KLRD1: variants seen among roughly 807,000 people sequenced by gnomAD.
KLRD1 encodes killer cell lectin like receptor D1.
In KLRD1, 21 loss-of-function variants were observed where a neutral mutation model predicts 22.6. The ratio of observed to expected loss-of-function variants is 0.93; its 90% CI spans 0.66 to 1.34. The LOEUF is 1.34. Among genes scored for constraint, KLRD1 ranks in the 40% most tolerant of loss-of-function variants. The pLI is 0.00. For synonymous variants in KLRD1, 59 were observed against 71.1 expected (o/e 0.83, Z 0.85); for missense variants, 183 against 208.6 (o/e 0.88, Z 0.76).
At chr12:10,302,263 T>C (rs1172944573), upstream of KLRD1, among the ~76,000 whole-genome samples, 2 of 152,140 alleles carry the variant, frequency 1.3e-5, no homozygotes, top group Non-Finnish European at 1.5e-5. Flanking sequence ...CAAAATGCAA[T>C]AAAGTAGGTT....
chr12:10,278,618 G>A (rs1949612977), intron 1 of KLRD1, among the ~76,000 whole-genome samples: 1 of 152,106 alleles, frequency 6.6e-6, no homozygotes, highest in Admixed American at 6.5e-5. Context: ...TGCTATATAA[G>A]CTGTGTTTAA....
intron 3 of KLRD1, among the ~76,000 whole-genome samples, chr12:10,310,242 C>T (rs918942973): frequency 6.6e-6 from 1 of 152,146 alleles, no homozygotes; most frequent in Non-Finnish European, 1.5e-5. Context: ...GCCTCAGCCT[C>T]CCAAGTAGCT....
chr12:10,293,192 C>T (rs1438358073), intron 1 of KLRD1, among the ~76,000 whole-genome samples: 2 of 13,314 alleles, frequency 1.5e-4, no homozygotes, highest in Non-Finnish European at 4.5e-4. Flanking sequence ...AATTCGCATG[C>T]TCACTGGCAT....
intron 1 of KLRD1, among the ~76,000 whole-genome samples, chr12:10,264,377 C>T (rs1378006457): frequency 1.3e-5 from 2 of 152,050 alleles, no homozygotes. Context: ...TATTTTATTT[C>T]ATTTAAAAGT....
chr12:10,248,237 T>TA (rs911649199), intron 1 of KLRD1, among the ~76,000 whole-genome samples: 11 of 151,610 alleles, frequency 7.3e-5, no homozygotes, highest in East Asian at 3.9e-4. Flanking sequence ...AATCCTGTTT[T>TA]AAAAAAAAAT....
chr12:10,279,017 G>C (rs1337419037), intron 1 of KLRD1, among the ~76,000 whole-genome samples: 1 of 149,664 alleles, frequency 6.7e-6, no homozygotes, highest in African/African-American at 2.5e-5. Context: ...TTAGGTTTAG[G>C]GGGTACCTGT....
In KLRD1 at chr12:10,318,380, A is replaced by G. The variant is rs1950274452; in HGVS notation, c.*3587A>G. 6.6e-6 allele frequency: 1 copy of G among 152,190 alleles called. No homozygotes were observed. The allele number at this position is 152,190 out of a possible 1,614,324, so 9.4% of individuals were successfully genotyped here. A position where few individuals can be genotyped will look rare whatever the true frequency, so the allele number is the denominator to read the frequency against. On this transcript the variant is annotated 3_prime_UTR_variant, in exon 6 of 6. Coordinates refer to ENST00000336164, the MANE Select transcript of KLRD1 (RefSeq NM_002262.5). ...GTCTCTGCTGTGTGACCAGACACAG[A>G]TAAAAGACTGCAAGAAATTTCAGTT... is the stretch of plus-strand genomic sequence containing the variant.
chr12:10,289,682 G>A (rs1949747189), intron 1 of KLRD1, among the ~76,000 whole-genome samples: 2 of 152,182 alleles, frequency 1.3e-5, no homozygotes, highest in Non-Finnish European at 1.5e-5. Flanking sequence ...ATTTCTTTTA[G>A]TGGGAAGCAG....
intron 1 of KLRD1, among the ~76,000 whole-genome samples, chr12:10,242,111 G>T (rs1259059993): frequency 8.1e-6 from 1 of 122,790 alleles, no homozygotes; most frequent in African/African-American, 3.1e-5. Context: ...TGACTGTCTT[G>T]CAGCTTCTAG....
chr12:10,293,811 G>A (rs1322146193), intron 1 of KLRD1, among the ~76,000 whole-genome samples: 1 of 152,192 alleles, frequency 6.6e-6, no homozygotes, highest in East Asian at 1.9e-4. Context: ...AATGAGGTGT[G>A]TGTGTATTAT....
chr12:10,312,783 C>G (rs188170833), intron 4 of KLRD1, among the ~76,000 whole-genome samples: 39 of 150,952 alleles, frequency 2.6e-4, no homozygotes, highest in Admixed American at 1.2e-3. Flanking sequence ...GTCAGGAGAT[C>G]GAGACCATCC....
At chr12:10,248,135 G>A (rs74062125) in intron 1 of KLRD1, among the ~76,000 whole-genome samples, 5,626 of 152,132 alleles carry the variant, frequency 0.037, 364 homozygotes, top group African/African-American at 0.13. Context: ...TACATTGTTG[G>A]TCCTGCATGT....
upstream of KLRD1, among the ~76,000 whole-genome samples, chr12:10,304,101 AT>A (rs942268424): frequency 6.6e-6 from 1 of 152,182 alleles, no homozygotes; most frequent in African/African-American, 2.4e-5. Flanking sequence ...ATCCTCAGAG[AT>A]TTCACCCAGT....
chr12:10,302,178 G>A (rs117618150), upstream of KLRD1, among the ~76,000 whole-genome samples: 1,764 of 152,156 alleles, frequency 0.012, 18 homozygotes, highest in Middle Eastern at 0.051. Flanking sequence ...CATGCTTTTG[G>A]AAAAAATGGT....
At chr12:10,253,699 A>C (rs1304458148) in intron 1 of KLRD1, among the ~76,000 whole-genome samples, 2 of 152,164 alleles carry the variant, frequency 1.3e-5, no homozygotes, top group African/African-American at 2.4e-5. Flanking sequence ...TAGTTTGCTA[A>C]GGATAGTAGC....
intron 1 of KLRD1, among the ~76,000 whole-genome samples, chr12:10,268,535 G>C (rs1242139251): frequency 6.6e-6 from 1 of 152,098 alleles, no homozygotes; most frequent in Non-Finnish European, 1.5e-5. Flanking sequence ...TTATTGAACT[G>C]TTCTTTTTAT....
chr12:10,271,078 CCG>C (rs1270684098), intron 1 of KLRD1, among the ~76,000 whole-genome samples: 1 of 147,728 alleles, frequency 6.8e-6, no homozygotes, highest in African/African-American at 2.5e-5. Context: ...GCCACCGCAG[CCG>C]CCTCCACTCC....
chr12:10,242,399 A>G (rs1316426970), intron 1 of KLRD1, among the ~76,000 whole-genome samples: 1 of 152,136 alleles, frequency 6.6e-6, no homozygotes, highest in Non-Finnish European at 1.5e-5. Context: ...ATAAACAGGA[A>G]AACATTTTCA....
chr12:10,267,375 C>T (rs1206369884), intron 1 of KLRD1, among the ~76,000 whole-genome samples: 1 of 151,860 alleles, frequency 6.6e-6, no homozygotes, highest in African/African-American at 2.4e-5. Context: ...ATAGTCTTTT[C>T]TATATATGCC....
Sources: allele counts gnomAD v4.1 joint callset (sites outside exome capture counted in the v4.1 genomes callset), GRCh38; gene constraint gnomAD v4.1.1; transcripts MANE v1.5; gene names NCBI Gene and HGNC (gene_info 2026-07-23, HGNC 2026-07-21).